LINGO1: variants seen among roughly 807,000 people sequenced by gnomAD.
LINGO1 encodes leucine-rich repeat and immunoglobulin-like domain-containing nogo receptor-interacting protein 1.
In LINGO1, 11 loss-of-function variants were observed where a neutral mutation model predicts 37.3. The ratio of observed to expected loss-of-function variants is 0.29; its 90% CI spans 0.19 to 0.49. LINGO1 has a LOEUF of 0.49. LINGO1 is among the 20% of genes least tolerant of loss of function. The pLI is 0.99. For missense variants in LINGO1, 585 were observed against 878.2 expected (o/e 0.67, Z 4.22); for synonymous variants, 387 against 403.0 (o/e 0.96, Z 0.48).
chr15:77,820,334 GC>G, upstream of LINGO1: 1 of 152,408 alleles, frequency 6.6e-6, no homozygotes, highest in East Asian at 1.9e-4. Flanking sequence ...CGGTGGCACA[GC>G]CGGGGCCGTG....
At chr15:77,723,150 G>GC (rs2076067889) in intron 2 of LINGO1, among the ~76,000 whole-genome samples, 4 of 92,474 alleles carry the variant, frequency 4.3e-5, no homozygotes, top group South Asian at 3.9e-4. Context: ...ATCCCACCCC[G>GC]CCCCCACCCC....
intron 1 of LINGO1, among the ~76,000 whole-genome samples, chr15:77,764,599 C>T (rs984655142): frequency 1.3e-5 from 2 of 152,196 alleles, no homozygotes; most frequent in Non-Finnish European, 2.9e-5. Context: ...CTTGCTGAAG[C>T]TCAGCAGAGT....
chr15:77,746,502 C>G (rs536736227), intron 1 of LINGO1, among the ~76,000 whole-genome samples: 1 of 152,300 alleles, frequency 6.6e-6, no homozygotes, highest in Admixed American at 6.5e-5. Context: ...CTTAGAGCAC[C>G]CTGAACCTGT....
chr15:77,725,844 G>A (rs1005977576), intron 2 of LINGO1, among the ~76,000 whole-genome samples: 2 of 152,130 alleles, frequency 1.3e-5, no homozygotes, highest in Non-Finnish European at 2.9e-5. Flanking sequence ...AAAGAGAGCT[G>A]GTCTGAGATG....
intron 1 of LINGO1, among the ~76,000 whole-genome samples, chr15:77,819,007 G>C (rs2077072336): frequency 6.6e-6 from 1 of 151,116 alleles, no homozygotes; most frequent in Non-Finnish European, 1.5e-5. Flanking sequence ...CCACAAACTT[G>C]CTGCAAGTCG....
intron 1 of LINGO1, among the ~76,000 whole-genome samples, chr15:77,754,799 G>A (rs1225198682): frequency 1.3e-5 from 2 of 152,246 alleles, no homozygotes; most frequent in African/African-American, 2.4e-5. Context: ...CACGGTGAGG[G>A]TAGGTCCGGT....
At chr15:77,674,686 T>C (rs1203933716) in intron 3 of LINGO1, among the ~76,000 whole-genome samples, 1 of 152,032 alleles carries the variant, frequency 6.6e-6, no homozygotes, top group Non-Finnish European at 1.5e-5. Flanking sequence ...TTCTTGCTGG[T>C]CTTTACTTAA....
upstream of LINGO1, among the ~76,000 whole-genome samples, chr15:77,790,364 T>C (rs762398230): frequency 4.6e-5 from 7 of 152,172 alleles, no homozygotes; most frequent in Non-Finnish European, 8.8e-5. Context: ...CCACCTTCCA[T>C]GTGGCTGTGA....
At position 77,776,482 on chromosome 15, in the gene LINGO1, C is replaced by CAGGAAGGCAGGAAGGG. The variant is rs2076645803; in HGVS notation, c.-257+10386_-257+10387insCCCTTCCTGCCTTCCT. On this transcript the variant is annotated intron_variant, in intron 1 of 3. Transcript: ENST00000561686. The stretch of plus-strand genomic sequence containing the variant: ...GCAGGAAGGCAGGAAGGCAGGAAGG[C>CAGGAAGGCAGGAAGGG]AGGAAAGCAGGAAGGCAGGAAGGCA... Among the ~76,000 whole-genome samples, 2 of 123,704 alleles carry CAGGAAGGCAGGAAGGG rather than the reference C, an allele frequency of 1.6e-5. 1 individual carries two copies. The highest frequency in any genetic ancestry group is 6.8e-5 in the African/African-American group (2 of 29,608). 81.2% of individuals were successfully genotyped at this position (123,704 alleles called of 152,430 possible).
chr15:77,746,693 T>C (rs554657457), intron 1 of LINGO1, among the ~76,000 whole-genome samples: 1 of 152,260 alleles, frequency 6.6e-6, no homozygotes, highest in South Asian at 2.1e-4. Context: ...AGCCGCGCCA[T>C]TGGCAGCAAA....
chr15:77,804,661 C>A (rs564475616), intron 1 of LINGO1, among the ~76,000 whole-genome samples: 1 of 152,108 alleles, frequency 6.6e-6, no homozygotes, highest in African/African-American at 2.4e-5. Flanking sequence ...GGCCTGACCC[C>A]GGCTCCAGGC....
chr15:77,646,320 T>C, intron 3 of LINGO1: 1 of 374,648 alleles, frequency 2.7e-6, no homozygotes, highest in Non-Finnish European at 5.3e-6. Context: ...AACCCGGACC[T>C]ACATGGAGGC....
chr15:77,753,783 T>C (rs2076393719), intron 1 of LINGO1, among the ~76,000 whole-genome samples: 1 of 152,218 alleles, frequency 6.6e-6, no homozygotes, highest in South Asian at 2.1e-4. Context: ...ACACGATGTT[T>C]ATCTAAACAA....
chr15:77,750,549 T>G (rs890343955), intron 1 of LINGO1, among the ~76,000 whole-genome samples: 2 of 152,008 alleles, frequency 1.3e-5, no homozygotes, highest in Non-Finnish European at 2.9e-5. Flanking sequence ...TGCCTGCTTC[T>G]CTCCCTGTCT....
intron 3 of LINGO1, among the ~76,000 whole-genome samples, chr15:77,644,343 C>T (rs1873906637): frequency 6.6e-6 from 1 of 152,232 alleles, no homozygotes; most frequent in African/African-American, 2.4e-5. Flanking sequence ...TGTGCCCTCT[C>T]TCTCTATCCC....
intron 3 of LINGO1, among the ~76,000 whole-genome samples, chr15:77,644,715 C>T (rs2074585132): frequency 3.3e-5 from 5 of 152,208 alleles, no homozygotes; most frequent in Non-Finnish European, 1.5e-5. Context: ...CTCAATCCCT[C>T]CAGCAAACAC....
chr15:77,763,332 G>T lies in LINGO1; in HGVS notation c.-257+23537C>A, dbSNP rs117003208. Among the ~76,000 whole-genome samples the T allele has an allele frequency of 2.5e-4, 38 of 152,226 alleles. 1 individual carries two copies. In the East Asian group the frequency reaches 7.2e-3, roughly 29 times the overall value. Reference sequence around the variant, plus strand: ...GGGCCTGGAGAGGAGGAGGGACAGGGATATAAGTGAGAAGGGGTTGGGGAT... The same window carrying T: ...GGGCCTGGAGAGGAGGAGGGACAGGTATATAAGTGAGAAGGGGTTGGGGAT... On this transcript the variant is annotated intron_variant, in intron 1 of 3. Transcript: ENST00000561686.
In LINGO1 at chr15:77,736,688, C is replaced by T. The variant is rs188706870; in HGVS notation, c.-256-1635G>A. ...ACTCAGGAGGCTGAGGCAGGAGGAT[C>T]ACTTGAGCCCAGGAGGTGGAGGCTA... On this transcript the variant is annotated intron_variant, in intron 1 of 3. Transcript: ENST00000561686. Among the ~76,000 whole-genome samples the T allele has an allele frequency of 5.1e-3, 777 of 152,246 alleles. 11 individuals are homozygous for T. Among genetic ancestry groups the T allele is most frequent in the African/African-American group, 0.018 (744 of 41,528 alleles).
chr15:77,802,442 T>C (rs973021046), intron 1 of LINGO1, among the ~76,000 whole-genome samples: 2 of 151,978 alleles, frequency 1.3e-5, no homozygotes, highest in Non-Finnish European at 2.9e-5. Context: ...TTTGTGTGTA[T>C]GTTAGGAGGT....
Sources: gnomAD v4.1 joint callset for allele counts (sites outside exome capture counted in the v4.1 genomes callset) on GRCh38, gnomAD v4.1.1 for gene constraint, MANE v1.5 for transcripts, NCBI Gene and HGNC (gene_info 2026-07-23, HGNC 2026-07-21) for gene names.